AKAP3: variants seen among roughly 807,000 people sequenced by gnomAD.
The protein encoded by AKAP3 is A-kinase anchor protein 3.
Under a neutral mutation model 57.2 loss-of-function variants are expected in AKAP3, and 27 were observed. The ratio of observed to expected loss-of-function variants is 0.47; its 90% CI spans 0.35 to 0.65. The LOEUF (loss-of-function observed/expected upper bound fraction) is 0.65, where lower values mean the gene tolerates loss of function less well. Among genes scored for constraint, AKAP3 ranks in the 30% least tolerant of loss-of-function variants. The pLI, the probability that AKAP3 is intolerant of heterozygous loss-of-function variation, is 0.01. For missense variants in AKAP3, 959 were observed against 1,040.0 expected, an observed-to-expected ratio of 0.92 and a Z score of 1.07; for synonymous variants, 334 against 392.3, an observed-to-expected ratio of 0.85 and a Z score of 1.76.
intron 5 of AKAP3, among the ~76,000 whole-genome samples, chr12:4,618,981 C>T (rs1034386067): frequency 1.3e-5 from 2 of 152,140 alleles, no homozygotes; most frequent in Non-Finnish European, 2.9e-5. Context: ...AAGAAGAAAA[C>T]AATCCAACCA....
rs1026347940 is a variant in AKAP3 at position 4,615,527 on chromosome 12, A to T, written c.*212T>A. ...AAAACATGTGGAGCCCTTTAATTGTAATTTTTTAATTTTACGTCCTTGCTT... is the reference window on the plus strand; with the variant it reads ...AAAACATGTGGAGCCCTTTAATTGTTATTTTTTAATTTTACGTCCTTGCTT... On this transcript the variant is annotated 3_prime_UTR_variant, in exon 6 of 6. Coordinates refer to ENST00000228850, the MANE Select transcript of AKAP3 (RefSeq NM_001278309.2). 2.0e-6 allele frequency: 1 copy of T among 510,670 alleles called. No individual in the cohort carries two copies. The highest frequency in any genetic ancestry group is 1.9e-5 in the African/African-American group (1 of 51,304). The allele number at this position is 510,670 out of a possible 1,614,324, so 31.6% of individuals were successfully genotyped here.
At chr12:4,636,133 T>C in intron 4 of AKAP3, 3 of 908,202 alleles carry the variant, frequency 3.3e-6, no homozygotes, top group South Asian at 1.4e-5. Flanking sequence ...ATTTGAGCCA[T>C]AGGGTCTTGC....
At chr12:4,634,737 TA>T (rs376384349) in intron 4 of AKAP3, among the ~76,000 whole-genome samples, 62 of 6,938 alleles carry the variant, frequency 8.9e-3, no homozygotes, top group Middle Eastern at 0.25. Flanking sequence ...TTTACCCCAT[TA>T]AAAAAAAACA....
chr12:4,639,821 T>C (rs911107822), intron 3 of AKAP3, among the ~76,000 whole-genome samples: 2 of 147,848 alleles, frequency 1.4e-5, no homozygotes, highest in South Asian at 2.2e-4. Flanking sequence ...TGTCTTTTTT[T>C]TTTTTTTTTT....
Position 4,638,102 on chromosome 12 carries a change from AT to A in AKAP3, c.94del (p.Met32TrpfsTer52). ...PGDNQAQDWK[M>X]DTSTDPVRVL... ...GTTTATCAAGAGGTTGACCCTTACC[AT>A]TTTCCAGTCCTGGGCTTGGTTGTCT... is the stretch of plus-strand genomic sequence containing the variant. On this transcript the variant is annotated frameshift_variant and splice_region_variant, in exon 4 of 6. Transcript: ENST00000228850. LOFTEE classifies it high-confidence loss of function. 6.2e-7 allele frequency: 1 copy of A among 1,610,366 alleles called. No individual in the cohort carries two copies. The highest frequency in any genetic ancestry group is 8.5e-7 in the Non-Finnish European group (1 of 1,176,788).
intron 4 of AKAP3, among the ~76,000 whole-genome samples, chr12:4,632,056 T>A (rs984039616): frequency 6.6e-6 from 1 of 152,250 alleles, no homozygotes; most frequent in African/African-American, 2.4e-5. Context: ...AGCCTAATGA[T>A]AAGTTTCCAA....
At chr12:4,622,552 G>C (rs1232526157) in intron 5 of AKAP3, among the ~76,000 whole-genome samples, 1 of 152,094 alleles carries the variant, frequency 6.6e-6, no homozygotes, top group East Asian at 1.9e-4. Context: ...AATTCAATAG[G>C]TGCTGGGATA....
chr12:4,648,321 G>A (rs745319899), intron 1 of AKAP3: 4 of 152,178 alleles, frequency 2.6e-5, no homozygotes, highest in African/African-American at 4.8e-5. Flanking sequence ...TAATATTTCA[G>A]GAAGTTCACA....
intron 4 of AKAP3, among the ~76,000 whole-genome samples, chr12:4,629,772 G>T (rs971202286): frequency 7.9e-5 from 12 of 152,144 alleles, no homozygotes; most frequent in African/African-American, 2.7e-4. Context: ...TACAAGTATA[G>T]TTTCCAAAAA....
chr12:4,616,422 T>G (rs1945285979), intron 5 of AKAP3, among the ~76,000 whole-genome samples: 1 of 152,228 alleles, frequency 6.6e-6, no homozygotes, highest in Non-Finnish European at 1.5e-5. Context: ...AATGAGAAAG[T>G]TAAGCAACCA....
At chr12:4,636,679 A>G (rs569837265) in intron 4 of AKAP3, among the ~76,000 whole-genome samples, 2 of 152,344 alleles carry the variant, frequency 1.3e-5, no homozygotes, top group East Asian at 3.9e-4. Context: ...ATATAGATCG[A>G]CCAGATTTGG....
Position 4,628,148 on chromosome 12 carries a change from C to T in AKAP3, c.754G>A (p.Asp252Asn). 6.2e-7 allele frequency: 1 copy of T among 1,614,166 alleles called. No individual in the cohort carries two copies. Among genetic ancestry groups the T allele is most frequent in the Non-Finnish European group, 8.5e-7 (1 of 1,180,028 alleles). ...AACCTTCCACCCTCTCTGGCATAAT[C>T]TCCATTACGAGATTCAAACACTTCC... ...YKEVFESRNG[D>N]YAREGGRFFP... Residue 252 changes from aspartate (D) to asparagine (N), a missense_variant, in exon 5 of 6, where the codon GAT (aspartate) becomes AAT (asparagine). By Grantham distance (23) the Asp-to-Asn change is conservative (BLOSUM62 1). Transcript: ENST00000228850.
intron 4 of AKAP3, among the ~76,000 whole-genome samples, chr12:4,633,124 A>C (rs966790601): frequency 5.9e-5 from 9 of 151,526 alleles, no homozygotes; most frequent in African/African-American, 1.2e-4. Context: ...ATTAAAAAAA[A>C]AAAAAACAAA....
chr12:4,638,467 T>C (rs1945593344), intron 3 of AKAP3, among the ~76,000 whole-genome samples: 1 of 152,164 alleles, frequency 6.6e-6, no homozygotes, highest in African/African-American at 2.4e-5. Flanking sequence ...CTTTGTTAAA[T>C]GAATGAACCT....
chr12:4,645,104 T>C lies in AKAP3; in HGVS notation c.-156A>G, dbSNP rs1056894434. 1.4e-4 allele frequency: 22 copies of C among 152,370 alleles called. No homozygotes were observed. Among genetic ancestry groups the C allele is most frequent in the African/African-American group, 4.3e-4 (18 of 41,580 alleles). 9.4% of individuals were successfully genotyped at this position (152,370 alleles called of 1,614,324 possible). A position where few individuals can be genotyped will look rare whatever the true frequency, so the allele number is the denominator to read the frequency against. On this transcript the variant is annotated 5_prime_UTR_variant, in exon 2 of 6. Transcript: ENST00000228850. ...CACGGAAGACTCCAGAATATACTTT[T>C]AAAGTCAATGAAGATGCTGGGATGT...
chr12:4,640,735 G>T (rs970457196), intron 3 of AKAP3, among the ~76,000 whole-genome samples: 1 of 152,096 alleles, frequency 6.6e-6, no homozygotes, highest in Non-Finnish European at 1.5e-5. Context: ...AATCTTCCAG[G>T]CACTCAAATA....
intron 4 of AKAP3, chr12:4,635,389 G>C (rs573728185): frequency 1.4e-6 from 1 of 694,094 alleles, no homozygotes; most frequent in South Asian, 1.6e-5. Flanking sequence ...GGTTCAGTAA[G>C]GGCTACTCCT....
intron 4 of AKAP3, among the ~76,000 whole-genome samples, chr12:4,629,321 C>T (rs1945468772): frequency 1.3e-5 from 2 of 152,308 alleles, no homozygotes; most frequent in South Asian, 4.1e-4. Context: ...ATGGTGTATA[C>T]ATACCACATT....
chr12:4,629,755 A>T (rs1945474603), intron 4 of AKAP3, among the ~76,000 whole-genome samples: 1 of 152,184 alleles, frequency 6.6e-6, no homozygotes, highest in Non-Finnish European at 1.5e-5. Flanking sequence ...TTTTATTTCG[A>T]TCTTATTACA....
Sources: allele counts gnomAD v4.1 joint callset (sites outside exome capture counted in the v4.1 genomes callset), GRCh38; gene constraint gnomAD v4.1.1; transcripts MANE v1.5; gene names NCBI Gene and HGNC (gene_info 2026-07-23, HGNC 2026-07-21).